Variants in TRPV3 observed in about 807,000 individuals in gnomAD.
The protein encoded by TRPV3 is transient receptor potential cation channel subfamily V member 3.
In TRPV3, 88 loss-of-function variants were observed where a neutral mutation model predicts 87.1. That is an observed-to-expected ratio of 1.01 (90% CI 0.85 to 1.21). The LOEUF is 1.21. TRPV3 is among the 50% of genes most tolerant of loss of function. The pLI is 0.00. For missense variants in TRPV3, 1,054 were observed against 1,030.1 expected, an observed-to-expected ratio of 1.02 and a Z score of -0.32; for synonymous variants, 438 against 423.3, an observed-to-expected ratio of 1.03 and a Z score of -0.43.
At chr17:3,527,772 A>T (rs942025396) in intron 11 of TRPV3, 1 of 523,766 alleles carries the variant, frequency 1.9e-6, no homozygotes, top group African/African-American at 1.9e-5. Flanking sequence ...GAAGAGGACA[A>T]GGGACACTGA....
At chr17:3,514,080 C>A (rs2074149421) in intron 17 of TRPV3, 69 bp from the exon 18 acceptor site, 2 of 1,344,192 alleles carry the variant, frequency 1.5e-6, no homozygotes, top group Non-Finnish European at 2.0e-6. Context: ...TTTTCTTTTT[C>A]TTTTTTTTCT....
chr17:3,544,750 A>C (rs2074507313), intron 3 of TRPV3, 85 bp from the exon 4 acceptor site: 2 of 973,810 alleles, frequency 2.1e-6, no homozygotes, highest in South Asian at 2.9e-5. Context: ...TAATCCCAGC[A>C]CTTTGGGAGG....
intron 13 of TRPV3, among the ~76,000 whole-genome samples, chr17:3,522,795 C>G (rs1345863591): frequency 1.6e-5 from 2 of 126,656 alleles, no homozygotes; most frequent in African/African-American, 5.8e-5. Context: ...CCAGCCTGGG[C>G]AACAGAGCGA....
intron 8 of TRPV3, among the ~76,000 whole-genome samples, chr17:3,531,204 T>C (rs1345678567): frequency 6.6e-6 from 1 of 152,188 alleles, no homozygotes; most frequent in East Asian, 1.9e-4. Context: ...GACACAGAGC[T>C]GCTGTCTCTG....
At position 3,513,633 on chromosome 17, in the gene TRPV3, C is replaced by T; in HGVS notation, c.*284G>A. 3.0e-6 allele frequency: 1 copy of T among 330,344 alleles called. No individual in the cohort carries two copies. The highest frequency in any genetic ancestry group is 5.0e-5 in the East Asian group (1 of 19,996). 20.5% of individuals were successfully genotyped at this position (330,344 alleles called of 1,614,324 possible). ...GACCTGCAATTGGTAAAACCAGAGG[C>T]TTCACCCGGGACTTCAGGAGGCTCC... On this transcript the variant is annotated 3_prime_UTR_variant, in exon 18 of 18. Coordinates refer to ENST00000576742, the MANE Select transcript of TRPV3 (RefSeq NM_145068.4).
At chr17:3,544,929 G>A (rs768915943) in intron 3 of TRPV3, among the ~76,000 whole-genome samples, 8 of 152,176 alleles carry the variant, frequency 5.3e-5, no homozygotes, top group Non-Finnish European at 1.0e-4. Flanking sequence ...CAGGAGAATC[G>A]CTTAAACCTG....
At chr17:3,515,785 T>C (rs1372468894) in intron 16 of TRPV3, among the ~76,000 whole-genome samples, 2 of 151,370 alleles carry the variant, frequency 1.3e-5, no homozygotes, top group Non-Finnish European at 2.9e-5. Context: ...TCACCCGGGG[T>C]CACAGGAACT....
At chr17:3,516,974 G>C (rs9896629) in intron 15 of TRPV3, among the ~76,000 whole-genome samples, 88,039 of 151,990 alleles carry the variant, frequency 0.58, 26,252 homozygotes, top group East Asian at 0.95. Flanking sequence ...GGCAAAAGCC[G>C]GTCTCTACTA....
intron 2 of TRPV3, 66 bp downstream of exon 2, chr17:3,554,666 G>GT (rs1466226371): frequency 2.5e-6 from 3 of 1,182,484 alleles, no homozygotes; most frequent in Non-Finnish European, 3.7e-6. Flanking sequence ...TCCCTGGGGG[G>GT]GTGCCAGGCC....
intron 2 of TRPV3, among the ~76,000 whole-genome samples, chr17:3,547,566 A>G (rs1166499134): frequency 3.9e-5 from 6 of 152,210 alleles, no homozygotes; most frequent in Non-Finnish European, 8.8e-5. Context: ...GGTTGCAGTG[A>G]GCCAAGATCG....
chr17:3,550,681 C>T lies in TRPV3; in HGVS notation c.119+4051G>A, dbSNP rs868091584. Among the ~76,000 whole-genome samples, 5 of 152,184 alleles carry T rather than the reference C, an allele frequency of 3.3e-5. No homozygotes were observed. In the South Asian group the frequency reaches 8.3e-4, roughly 25 times the overall value. ...CTGGGACTACAGGCGCCCGCCACCACACCTGGCTAATTTTTTGTATTTTTA... is the reference window on the plus strand; with the variant it reads ...CTGGGACTACAGGCGCCCGCCACCATACCTGGCTAATTTTTTGTATTTTTA... On this transcript the variant is annotated intron_variant, in intron 2 of 17. Transcript: ENST00000576742.
rs773523427 is a variant in TRPV3 at position 3,520,972 on chromosome 17, C to T, written c.1810+1G>A. 8.8e-6 allele frequency: 14 copies of T among 1,586,640 alleles called. No individual in the cohort carries two copies. The highest frequency in any genetic ancestry group is 4.0e-5 in the African/African-American group (3 of 74,106). ...GTTACTATTATTTATAAATCAATTACCTACTCCAAATCCAAGCAAAAACAC... is the reference window on the plus strand; with the variant it reads ...GTTACTATTATTTATAAATCAATTATCTACTCCAAATCCAAGCAAAAACAC... On this transcript the variant is annotated splice_donor_variant, in intron 14 of 17. Transcript: ENST00000576742. LOFTEE classifies it high-confidence loss of function.
At chr17:3,521,986 G>A (rs1023867540) in intron 13 of TRPV3, among the ~76,000 whole-genome samples, 1 of 152,148 alleles carries the variant, frequency 6.6e-6, no homozygotes, top group Non-Finnish European at 1.5e-5. Flanking sequence ...TGAGGCGGGA[G>A]AATTGCTTGA....
chr17:3,543,445 T>C, intron 5 of TRPV3, 29 bp downstream of exon 5: 1 of 1,610,244 alleles, frequency 6.2e-7, no homozygotes, highest in Non-Finnish European at 8.5e-7. Context: ...CCCCCAGCCC[T>C]GCACCCTCTG....
rs1367581366 is a variant in TRPV3 at position 3,532,915 on chromosome 17, TGCCAGG to T, written c.801_806del (p.Leu268_Ala269del). ...CAATCTCGGGCTGGTTGGTGCATGC[TGCCAGG>T]GCCAGGGGCGTCTCACCTGGGGGAT... On this transcript the variant is annotated inframe_deletion, in exon 8 of 18. Coordinates refer to ENST00000576742, the MANE Select transcript of TRPV3 (RefSeq NM_145068.4). 25 of 1,614,026 alleles carry T rather than the reference TGCCAGG, an allele frequency of 1.5e-5. No homozygotes were observed. The highest frequency in any genetic ancestry group is 6.7e-5 in the Admixed American group (4 of 60,008).
chr17:3,528,741 C>A lies in TRPV3; in HGVS notation c.1401+96G>T. Reference sequence around the variant, plus strand: ...GGGGGACCCCGCCCAATCTCCTGGTCTCTCTGGGCCTCAGTTTTCCCACCT... The same window carrying A: ...GGGGGACCCCGCCCAATCTCCTGGTATCTCTGGGCCTCAGTTTTCCCACCT... On this transcript the variant is annotated intron_variant, in intron 10 of 17. Coordinates refer to ENST00000576742, the MANE Select transcript of TRPV3 (RefSeq NM_145068.4). This position sits in a 1 kb window ranked among gnomAD's most constrained non-coding sequence, Gnocchi z 4.2. 6.9e-7 allele frequency: 1 copy of A among 1,451,616 alleles called. No individual in the cohort carries two copies. The highest frequency in any genetic ancestry group is 9.4e-7 in the Non-Finnish European group (1 of 1,066,318). The allele number at this position is 1,451,616 out of a possible 1,614,324, so 89.9% of individuals were successfully genotyped here. A position where few individuals can be genotyped will look rare whatever the true frequency, so the allele number is the denominator to read the frequency against.
At chr17:3,516,359 G>T in intron 16 of TRPV3, 98 bp downstream of exon 16, 1 of 929,166 alleles carries the variant, frequency 1.1e-6, no homozygotes, top group African/African-American at 1.6e-5. Flanking sequence ...GTTATGGTTA[G>T]CAAGTGGCGG....
At chr17:3,541,708 A>G (rs1233705506) in intron 6 of TRPV3, among the ~76,000 whole-genome samples, 1 of 152,090 alleles carries the variant, frequency 6.6e-6, no homozygotes. Context: ...CTCTTGCCTC[A>G]CTTCCAGCCT....
At position 3,514,672 on chromosome 17, in the gene TRPV3, C is replaced by T; in HGVS notation, c.2199G>A (p.Arg733=). ...ATTCAGTCCACTTCACCTCATTGAT[C>T]CTGCAAATGTGATAATCATTCTTAC... ...VAEDDFRLCL[R]INEVKWTEWK... is the part of the protein sequence containing the mutation. The change falls in exon 17 of 18, where the codon CGG becomes CGA. Residue 733 remains arginine, a splice_region_variant and synonymous_variant. Transcript: ENST00000576742. 1 of 1,612,066 alleles carries T rather than the reference C, an allele frequency of 6.2e-7. No individual in the cohort carries two copies. The highest frequency in any genetic ancestry group is 1.1e-5 in the South Asian group (1 of 91,020).
Sources: allele counts gnomAD v4.1 joint callset (sites outside exome capture counted in the v4.1 genomes callset), GRCh38; gene constraint gnomAD v4.1.1; non-coding constraint Gnocchi (gnomAD v3.1); transcripts MANE v1.5; gene names NCBI Gene and HGNC (gene_info 2026-07-23, HGNC 2026-07-21).